MAN1A1: variants seen among roughly 807,000 people sequenced by gnomAD.
MAN1A1 encodes the protein mannosidase alpha class 1A member 1, also known as mannosyl-oligosaccharide 1,2-alpha-mannosidase IA.
Under a neutral mutation model 70.8 loss-of-function variants are expected in MAN1A1, and 29 were observed. The ratio of observed to expected loss-of-function variants is 0.41; its 90% confidence interval spans 0.31 to 0.56. The LOEUF (loss-of-function observed/expected upper bound fraction) is 0.56. MAN1A1 is among the 20% of genes least tolerant of loss of function. The pLI is 0.29. For synonymous variants in MAN1A1, 349 were observed against 330.1 expected, an observed-to-expected ratio of 1.06 and a Z score of -0.62; for missense variants, 747 against 841.3, an observed-to-expected ratio of 0.89 and a Z score of 1.39.
chr6:119,270,446 G>A (rs183040357), intron 5 of MAN1A1, among the ~76,000 whole-genome samples: 17 of 152,200 alleles, frequency 1.1e-4, no homozygotes, highest in African/African-American at 1.4e-4. Flanking sequence ...CTCACACTGA[G>A]TTGATTCACA....
chr6:119,218,221 T>C (rs1344566961), intron 6 of MAN1A1, among the ~76,000 whole-genome samples: 1 of 152,180 alleles, frequency 6.6e-6, no homozygotes, highest in Non-Finnish European at 1.5e-5. Flanking sequence ...CTAATTTTCA[T>C]TTGATAAAAA....
intron 6 of MAN1A1, among the ~76,000 whole-genome samples, chr6:119,244,329 A>G (rs556069616): frequency 6.6e-6 from 1 of 152,222 alleles, no homozygotes; most frequent in Middle Eastern, 3.4e-3. Flanking sequence ...CTAATATTAG[A>G]AAGGCAATGA....
intron 12 of MAN1A1, 125 bp from the exon 13 acceptor site, chr6:119,180,070 A>C (rs1169154757): frequency 9.6e-7 from 1 of 1,044,832 alleles, no homozygotes; most frequent in Admixed American, 2.1e-5. Flanking sequence ...CAAGAGTCAA[A>C]TATATCAAAA....
At chr6:119,334,699 A>G (rs17626101) in intron 2 of MAN1A1, among the ~76,000 whole-genome samples, 4,472 of 152,364 alleles carry the variant, frequency 0.029, 91 homozygotes, top group Non-Finnish European at 0.044. Flanking sequence ...CAATGTAGTT[A>G]AAGCTGCAGC....
At chr6:119,190,030 T>C (rs1773400463) in intron 9 of MAN1A1, 147 bp from the exon 10 acceptor site, 4 of 649,816 alleles carry the variant, frequency 6.2e-6, no homozygotes, top group South Asian at 5.9e-5. Flanking sequence ...AATTACATGC[T>C]ATTGCTTTCT....
At chr6:119,221,789 A>G (rs1471495855) in intron 6 of MAN1A1, among the ~76,000 whole-genome samples, 1 of 152,094 alleles carries the variant, frequency 6.6e-6, no homozygotes, top group African/African-American at 2.4e-5. Flanking sequence ...TTTTTAATGA[A>G]AAATGTCAAA....
chr6:119,198,014 C>CA (rs1773619692), intron 8 of MAN1A1, among the ~76,000 whole-genome samples: 2 of 152,158 alleles, frequency 1.3e-5, no homozygotes, highest in Admixed American at 1.3e-4. Flanking sequence ...GACTTTTCTT[C>CA]AGCTTTTGAA....
intron 5 of MAN1A1, among the ~76,000 whole-genome samples, chr6:119,255,100 T>C (rs1775425212): frequency 6.6e-6 from 1 of 152,206 alleles, no homozygotes; most frequent in African/African-American, 2.4e-5. Context: ...TTTGCCTTCC[T>C]AGTTTGCAGT....
chr6:119,210,945 C>T (rs565909187), intron 6 of MAN1A1: 2 of 454,674 alleles, frequency 4.4e-6, no homozygotes, highest in African/African-American at 2.0e-5. Context: ...TGTAAATCAT[C>T]ATATTGAGTC....
intron 5 of MAN1A1, among the ~76,000 whole-genome samples, chr6:119,266,493 T>G (rs1775757706): frequency 6.6e-6 from 1 of 152,070 alleles, no homozygotes; most frequent in South Asian, 2.1e-4. Flanking sequence ...AAAGATAGCC[T>G]TTTTAACAAA....
chr6:119,210,979 T>C, intron 6 of MAN1A1: 1 of 442,200 alleles, frequency 2.3e-6, no homozygotes, highest in Non-Finnish European at 4.5e-6. Context: ...GGAGGAGAAA[T>C]CTACACACAA....
chr6:119,288,214 G>T (rs992005676), intron 5 of MAN1A1, among the ~76,000 whole-genome samples: 2 of 151,918 alleles, frequency 1.3e-5, no homozygotes, highest in African/African-American at 4.8e-5. Context: ...TGATATCAAT[G>T]TGGGGTCTAT....
intron 2 of MAN1A1, among the ~76,000 whole-genome samples, chr6:119,334,643 T>C (rs1050765525): frequency 6.6e-6 from 1 of 152,236 alleles, no homozygotes; most frequent in Non-Finnish European, 1.5e-5. Context: ...AGTTTTCCAT[T>C]TCACTCTTGA....
chr6:119,193,425 C>T (rs1773491566), intron 9 of MAN1A1, among the ~76,000 whole-genome samples: 1 of 152,190 alleles, frequency 6.6e-6, no homozygotes, highest in Non-Finnish European at 1.5e-5. Flanking sequence ...TCTGTCTTCT[C>T]AGGCAATTTT....
At chr6:119,271,384 G>A (rs1379245358) in intron 5 of MAN1A1, among the ~76,000 whole-genome samples, 3 of 152,076 alleles carry the variant, frequency 2.0e-5, no homozygotes, top group African/African-American at 7.2e-5. Flanking sequence ...TAACCAAACA[G>A]AGCCTGAGAA....
At chr6:119,342,993 G>C (rs1582819632) in intron 2 of MAN1A1, among the ~76,000 whole-genome samples, 1 of 152,042 alleles carries the variant, frequency 6.6e-6, no homozygotes, top group East Asian at 1.9e-4. Context: ...TTCTTGGAGA[G>C]ATCTTTATAA....
At chr6:119,311,563 A>G (rs1348619158) in intron 2 of MAN1A1, among the ~76,000 whole-genome samples, 1 of 152,120 alleles carries the variant, frequency 6.6e-6, no homozygotes, top group East Asian at 1.9e-4. Flanking sequence ...TGATCTGGGA[A>G]AAAGACAGGA....
At chr6:119,180,127 T>C (rs1306119873) in intron 12 of MAN1A1, among the ~76,000 whole-genome samples, 182 bp from the exon 13 acceptor site, 1 of 152,184 alleles carries the variant, frequency 6.6e-6, no homozygotes, top group East Asian at 1.9e-4. Context: ...AGCTACTCAG[T>C]GCTTTGGTGT....
In MAN1A1 at chr6:119,237,404, C is replaced by T. The variant is rs543846269; in HGVS notation, c.992+10856G>A. 9.4e-4 allele frequency among the ~76,000 whole-genome samples: 143 copies of T among 152,302 alleles called. 1 individual carries two copies. The highest frequency in any genetic ancestry group is 3.2e-3 in the African/African-American group (135 of 41,570). ...TCACACCTGTAATCCCTGGACCACACGGAACTCCCTCTCCTACATTTTTTT... is the reference window on the plus strand; with the variant it reads ...TCACACCTGTAATCCCTGGACCACATGGAACTCCCTCTCCTACATTTTTTT... On this transcript the variant is annotated intron_variant, in intron 6 of 12. Coordinates refer to ENST00000368468, the MANE Select transcript of MAN1A1 (RefSeq NM_005907.4).
Sources: gnomAD v4.1 joint callset for allele counts (sites outside exome capture counted in the v4.1 genomes callset) on GRCh38, gnomAD v4.1.1 for gene constraint, MANE v1.5 for transcripts, NCBI Gene and HGNC (gene_info 2026-07-23, HGNC 2026-07-21) for gene names.